The following TIPIN variants were observed in gnomAD, a reference collection of about 807,000 sequenced individuals.
TIPIN encodes the protein TIMELESS interacting protein.
A neutral mutation model predicts 35.6 loss-of-function variants in TIPIN; 29 were observed. The ratio of observed to expected loss-of-function variants is 0.82; its 90% CI spans 0.61 to 1.11. The LOEUF is 1.11. Among genes scored for constraint, TIPIN ranks in the 50% most tolerant of loss-of-function variants. The probability of loss-of-function intolerance (pLI) is 0.00; values close to 1 mark genes in which losing one functional copy is unlikely to be tolerated. For missense variants in TIPIN, 296 were observed against 345.4 expected (o/e 0.86, Z 1.13); for synonymous variants, 102 against 121.5 (o/e 0.84, Z 1.06).
At chr15:66,345,244 T>A (rs2093116613) in intron 6 of TIPIN, among the ~76,000 whole-genome samples, 1 of 151,858 alleles carries the variant, frequency 6.6e-6, no homozygotes, top group Admixed American at 6.6e-5. Flanking sequence ...AGTACGGCAA[T>A]ACAAAAGCCT....
chr15:66,349,002 G>T, intron 6 of TIPIN, 58 bp downstream of exon 6: 2 of 1,386,394 alleles, frequency 1.4e-6, no homozygotes, highest in Non-Finnish European at 2.0e-6. Context: ...ACCACACCCT[G>T]CCTAGATCTA....
chr15:66,341,456 A>C, intron 6 of TIPIN, 100 bp from the exon 7 acceptor site: 1 of 1,006,778 alleles, frequency 9.9e-7, no homozygotes, highest in South Asian at 1.7e-5. Context: ...CAGACCTGAA[A>C]AAACAATTTG....
chr15:66,377,910 G>GACA (rs1431820847), intron 1 of TIPIN, among the ~76,000 whole-genome samples: 1 of 151,812 alleles, frequency 6.6e-6, no homozygotes, highest in African/African-American at 2.4e-5. Context: ...GCAATTGCAC[G>GACA]ATTTGGCTCA....
chr15:66,374,746 AT>A (rs1302948854), intron 1 of TIPIN, among the ~76,000 whole-genome samples: 9 of 151,754 alleles, frequency 5.9e-5, no homozygotes, highest in African/African-American at 2.2e-4. Flanking sequence ...CGCCCAGCTA[AT>A]TTTTTTGTAT....
At chr15:66,337,318 C>T in intron 7 of TIPIN, 137 bp from the exon 8 acceptor site, 1 of 534,566 alleles carries the variant, frequency 1.9e-6, no homozygotes, top group Non-Finnish European at 3.1e-6. Flanking sequence ...TCACTTTCTT[C>T]TAAATATATC....
chr15:66,375,436 A>G (rs1484509570), intron 1 of TIPIN, among the ~76,000 whole-genome samples: 2 of 150,004 alleles, frequency 1.3e-5, no homozygotes, highest in African/African-American at 4.9e-5. Flanking sequence ...CGGCCTCCCA[A>G]AGTGCTGAGA....
rs1179491492 is a variant in TIPIN, at chr15:66,349,440, G to A, written c.289-3C>T. The A allele has an allele frequency of 1.2e-6, 2 of 1,607,888 alleles. No individual in the cohort carries two copies. The highest frequency in any genetic ancestry group is 1.7e-6 in the Non-Finnish European group (2 of 1,178,514). ...ATTAGCATCTTCAAGTCTTCAGCCT[G>A]CCACATAAAAATAAAAATGCTAAAC... On this transcript the variant is annotated splice_polypyrimidine_tract_variant and splice_region_variant and intron_variant, in intron 4 of 7. Transcript: ENST00000261881.
At chr15:66,344,248 AC>A (rs2093107854) in intron 6 of TIPIN, among the ~76,000 whole-genome samples, 2 of 152,002 alleles carry the variant, frequency 1.3e-5, no homozygotes, top group Admixed American at 6.6e-5. Flanking sequence ...ATAGGTGTTG[AC>A]CACTCTGGTC....
chr15:66,378,143 C>A (rs1448002015), intron 1 of TIPIN, among the ~76,000 whole-genome samples: 4 of 152,170 alleles, frequency 2.6e-5, no homozygotes, highest in African/African-American at 4.8e-5. Flanking sequence ...GCTGGGATTA[C>A]AGGTGTATGC....
chr15:66,374,027 T>G (rs1207083676), intron 1 of TIPIN, among the ~76,000 whole-genome samples: 1 of 152,228 alleles, frequency 6.6e-6, no homozygotes. Context: ...TTAGCCAGAA[T>G]AGTGGACGTA....
intron 7 of TIPIN, among the ~76,000 whole-genome samples, chr15:66,339,501 CT>C (rs1224170368): frequency 3.3e-5 from 5 of 152,132 alleles, no homozygotes; most frequent in African/African-American, 1.2e-4. Flanking sequence ...TCAAAACCAA[CT>C]TGCAATTCTT....
At chr15:66,375,528 T>TATATATATATATATATA (rs1566986565) in intron 1 of TIPIN, among the ~76,000 whole-genome samples, 7 of 139,056 alleles carry the variant, frequency 5.0e-5, no homozygotes, top group Non-Finnish European at 7.7e-5. Context: ...TATATATATA[T>TATATATATATATATATA]TTCAAAAGCC....
chr15:66,361,572 A>AAC (rs1555409566), upstream of TIPIN, among the ~76,000 whole-genome samples: 11 of 151,030 alleles, frequency 7.3e-5, no homozygotes, highest in South Asian at 2.1e-4. Context: ...TAAAAAAAAA[A>AAC]AAAAAAACAG....
At chr15:66,351,639 T>C (rs769100383) in intron 3 of TIPIN, 39 bp from the exon 4 acceptor site, 1 of 1,377,096 alleles carries the variant, frequency 7.3e-7, no homozygotes. Context: ...AAGTTTTATT[T>C]TCTTTTTTTT....
intron 7 of TIPIN, among the ~76,000 whole-genome samples, chr15:66,339,395 G>A (rs1313964037): frequency 6.6e-6 from 1 of 151,758 alleles, no homozygotes; most frequent in Non-Finnish European, 1.5e-5. Context: ...ACAGGCAAGA[G>A]ACACTGTGCT....
intron 6 of TIPIN, among the ~76,000 whole-genome samples, chr15:66,345,452 C>T (rs531178874): frequency 1.3e-5 from 2 of 152,266 alleles, no homozygotes; most frequent in African/African-American, 2.4e-5. Context: ...CACTGGCTCA[C>T]GCCTGTAACT....
At chr15:66,363,036 A>G (rs1214336420) in intron 1 of TIPIN, among the ~76,000 whole-genome samples, 1 of 152,226 alleles carries the variant, frequency 6.6e-6, no homozygotes, top group Non-Finnish European at 1.5e-5. Context: ...TGGGCAGGCC[A>G]GAGAGTTAAG....
At chr15:66,337,244 A>G in intron 7 of TIPIN, 63 bp from the exon 8 acceptor site, 1 of 1,327,376 alleles carries the variant, frequency 7.5e-7, no homozygotes, top group Non-Finnish European at 1.0e-6. Flanking sequence ...CCGCATGAGT[A>G]CAAACCTCTT....
At chr15:66,382,660 A>G (rs1353747279) in intron 1 of TIPIN, among the ~76,000 whole-genome samples, 11 of 152,180 alleles carry the variant, frequency 7.2e-5, no homozygotes, top group Non-Finnish European at 1.5e-5. Flanking sequence ...CGGGAGTGAC[A>G]GGAGTGAGCC....
Sources: gnomAD v4.1 joint callset for allele counts (sites outside exome capture counted in the v4.1 genomes callset) on GRCh38, gnomAD v4.1.1 for gene constraint, MANE v1.5 for transcripts, NCBI Gene and HGNC (gene_info 2026-07-23, HGNC 2026-07-21) for gene names.